Variants in GLRA2 observed in about 807,000 individuals in gnomAD.
GLRA2 encodes glycine receptor alpha 2, also known as glycine receptor subunit alpha-2.
A neutral mutation model predicts 31.6 loss-of-function variants in GLRA2; 11 were observed. The observed-to-expected ratio is 0.35, with a 90% CI of 0.22 to 0.58. GLRA2 has a LOEUF of 0.58. Ranked by LOEUF, GLRA2 falls within the 20% of genes least tolerant of loss-of-function variation. The pLI, the probability that GLRA2 is intolerant of heterozygous loss-of-function variation, is 0.84. For missense variants in GLRA2, 212 were observed against 351.8 expected (o/e 0.60, Z 3.18); for synonymous variants, 132 against 134.0 (o/e 0.99, Z 0.10).
At chrX:14,709,293 A>C (rs1029572542) in intron 8 of GLRA2, among the ~76,000 whole-genome samples, 1 of 111,700 alleles carries the variant, frequency 9.0e-6, no homozygotes, top group African/African-American at 3.3e-5. Context: ...ACTGTGTTAC[A>C]TACCTTCATG....
intron 2 of GLRA2, among the ~76,000 whole-genome samples, chrX:14,573,985 G>C (rs113357240): frequency 2.7e-5 from 3 of 110,421 alleles, no homozygotes; most frequent in African/African-American, 9.9e-5. Flanking sequence ...CACTACGAGG[G>C]AACCGCTGTT....
chrX:14,686,115 T>C (rs1391495610), intron 7 of GLRA2, among the ~76,000 whole-genome samples: 10 of 111,889 alleles, frequency 8.9e-5, no homozygotes, highest in Admixed American at 8.5e-4. Context: ...CATGTAGTTG[T>C]GTAGTTTTGA....
chrX:14,595,129 C>T (rs2090187584), intron 4 of GLRA2, among the ~76,000 whole-genome samples: 1 of 110,750 alleles, frequency 9.0e-6, no homozygotes, highest in African/African-American at 3.3e-5. Flanking sequence ...TCATCTTTCC[C>T]TTTGATTTTC....
At chrX:14,509,912 G>A in the GLRA2 span, among the ~76,000 whole-genome samples, 1 of 111,718 alleles carries the variant, frequency 9.0e-6, no homozygotes, top group Non-Finnish European at 1.9e-5. Flanking sequence ...ATTTAGAAGA[G>A]GGGAAAGTAA....
At chrX:14,595,243 C>T (rs2090189164) in intron 4 of GLRA2, among the ~76,000 whole-genome samples, 1 of 111,905 alleles carries the variant, frequency 8.9e-6, no homozygotes, top group Non-Finnish European at 1.9e-5. Flanking sequence ...AAACACATTT[C>T]TCTTCCTAGC....
chrX:14,670,893 T>G (rs1008226544), intron 7 of GLRA2, among the ~76,000 whole-genome samples: 6 of 111,701 alleles, frequency 5.4e-5, no homozygotes, highest in African/African-American at 2.0e-4. Context: ...TGGGACAGAT[T>G]ATTTATATAA....
chrX:14,569,746 AC>A (rs1285984378), intron 2 of GLRA2, among the ~76,000 whole-genome samples: 1 of 112,635 alleles, frequency 8.9e-6, no homozygotes, highest in Non-Finnish European at 1.9e-5. Context: ...CAGCAATTCC[AC>A]TTCTTAGTAT....
At chrX:14,523,963 G>A in the GLRA2 span, among the ~76,000 whole-genome samples, 796 of 111,779 alleles carry the variant, frequency 7.1e-3, 4 homozygotes, top group African/African-American at 0.025. Flanking sequence ...TTGCTTGTCC[G>A]TAAGAAGCAA....
At position 14,706,838 on chromosome X, in the gene GLRA2, T is replaced by G. The variant is rs1203903485; in HGVS notation, c.1080+15979T>G. Among the ~76,000 whole-genome samples the G allele has an allele frequency of 2.7e-5, 3 of 112,113 alleles. No homozygotes were observed. In the Admixed American group the frequency reaches 2.8e-4, roughly 11 times the overall value. On this transcript the variant is annotated intron_variant, in intron 8 of 8. Coordinates refer to ENST00000218075, the MANE Select transcript of GLRA2 (RefSeq NM_002063.4). ...AATAATTCTAAATAGTCATACAACT[T>G]CATTCTGGAAAGCACAAAATGCTTC...
At chrX:14,727,951 A>G (rs1159872621) in intron 8 of GLRA2, among the ~76,000 whole-genome samples, 3 of 112,146 alleles carry the variant, frequency 2.7e-5, no homozygotes, top group African/African-American at 9.7e-5. Flanking sequence ...ACACTCAACA[A>G]TTAATGGTTG....
chrX:14,454,185 CA>C, the GLRA2 span, among the ~76,000 whole-genome samples: 273 of 82,323 alleles, frequency 3.3e-3, no homozygotes, highest in African/African-American at 9.8e-3. Flanking sequence ...CACACCCACA[CA>C]CCCACACACA....
the GLRA2 span, among the ~76,000 whole-genome samples, chrX:14,452,420 C>T: frequency 8.9e-6 from 1 of 112,690 alleles, no homozygotes; most frequent in East Asian, 2.8e-4. Flanking sequence ...CTGCCTTCTA[C>T]ATAACCTACT....
intron 7 of GLRA2, 87 bp downstream of exon 7, chrX:14,609,292 G>GC: frequency 1.8e-6 from 1 of 551,467 alleles, no homozygotes; most frequent in East Asian, 3.4e-5. Context: ...AGAAATGTTG[G>GC]CCACCCTATG....
chrX:14,644,436 C>G (rs1439277000), intron 7 of GLRA2, among the ~76,000 whole-genome samples: 1 of 111,374 alleles, frequency 9.0e-6, no homozygotes, highest in Non-Finnish European at 1.9e-5. Context: ...TAGAAAATCC[C>G]TCTTTCAGAG....
intron 8 of GLRA2, 64 bp downstream of exon 8, chrX:14,690,923 A>G: frequency 2.8e-6 from 3 of 1,082,723 alleles, no homozygotes; most frequent in Non-Finnish European, 2.6e-6. Flanking sequence ...AATGTAATTC[A>G]GAAAACAGAA....
At chrX:14,480,891 C>T in the GLRA2 span, among the ~76,000 whole-genome samples, 1 of 111,102 alleles carries the variant, frequency 9.0e-6, no homozygotes, top group Non-Finnish European at 1.9e-5. Context: ...ATTTTAGAGT[C>T]GTTTTTTTCT....
chrX:14,564,566 A>G (rs1437021389), intron 2 of GLRA2, among the ~76,000 whole-genome samples: 1 of 112,411 alleles, frequency 8.9e-6, no homozygotes, highest in Non-Finnish European at 1.9e-5. Context: ...TAAAAACACT[A>G]TTATTGTATT....
the GLRA2 span, among the ~76,000 whole-genome samples, chrX:14,477,448 C>A: frequency 1.2e-4 from 13 of 111,540 alleles, no homozygotes; most frequent in African/African-American, 4.2e-4. Flanking sequence ...AAGAGACAGT[C>A]TAGGTTATCC....
At chrX:14,459,075 T>A in the GLRA2 span, among the ~76,000 whole-genome samples, 1 of 112,217 alleles carries the variant, frequency 8.9e-6, no homozygotes, top group Non-Finnish European at 1.9e-5. Context: ...GGATCCAGTT[T>A]CAGCTTTCTG....
Sources: gnomAD v4.1 joint callset for allele counts (sites outside exome capture counted in the v4.1 genomes callset) on GRCh38, gnomAD v4.1.1 for gene constraint, MANE v1.5 for transcripts, NCBI Gene and HGNC (gene_info 2026-07-23, HGNC 2026-07-21) for gene names.